Variants in CEP44 observed in about 807,000 individuals in gnomAD.
The protein encoded by CEP44 is centrosomal protein 44.
CEP44 carries 45 observed loss-of-function variants against 46.7 expected under a neutral mutation model. The ratio of observed to expected loss-of-function variants is 0.96; its 90% CI spans 0.76 to 1.24. CEP44 has a LOEUF of 1.24. Ranked by LOEUF, CEP44 falls within the 50% of genes most tolerant of loss-of-function variation. CEP44 has a pLI of 0.00. For synonymous variants in CEP44, 142 were observed against 146.0 expected, an observed-to-expected ratio of 0.97 and a Z score of 0.20; for missense variants, 475 against 459.7, an observed-to-expected ratio of 1.03 and a Z score of -0.30.
At chr4:174,313,927 T>C (rs1052995872) in intron 9 of CEP44, among the ~76,000 whole-genome samples, 2 of 152,182 alleles carry the variant, frequency 1.3e-5, no homozygotes, top group African/African-American at 4.8e-5. Context: ...TAATAAATTA[T>C]ATATGAAATC....
chr4:174,283,744 C>A, upstream of CEP44: 1 of 397,738 alleles, frequency 2.5e-6, no homozygotes. The surrounding 1 kb of genome is among the most constrained non-coding windows in gnomAD (Gnocchi z 6.7). Flanking sequence ...GCTATAGATT[C>A]CTTGTTTCTC....
At chr4:174,295,669 T>A (rs1738912979) in intron 1 of CEP44, among the ~76,000 whole-genome samples, 1 of 152,058 alleles carries the variant, frequency 6.6e-6, no homozygotes, top group Non-Finnish European at 1.5e-5. Flanking sequence ...CGAGCCGAGA[T>A]CACGCCACTG....
chr4:174,328,668 T>C lies in CEP44; in HGVS notation c.1087-2814T>C, dbSNP rs558211029. On this transcript the variant is annotated intron_variant, in intron 8 of 8. Coordinates refer to the CEP44 transcript ENST00000426172. Reference sequence around the variant, plus strand: ...AATTTTTAGGAGCAACTCAAACTTATTTCTTTCATTTTTTTTCCGTCATGG... The same window carrying C: ...AATTTTTAGGAGCAACTCAAACTTACTTCTTTCATTTTTTTTCCGTCATGG... Among the ~76,000 whole-genome samples the C allele has an allele frequency of 3.3e-5, 5 of 152,294 alleles. No homozygotes were observed. In the East Asian group the frequency reaches 9.7e-4, roughly 29 times the overall value.
rs1258234728 is a variant in CEP44, at chr4:174,309,036, T to C, written c.678+177T>C. The stretch of plus-strand genomic sequence containing the variant: ...TCTTACTAAAATAATTCAACAAATA[T>C]TTGCTGCATATGTGTAGGGTGCTGG... On this transcript the variant is annotated intron_variant, in intron 7 of 11. Transcript: ENST00000503780. This position sits in a 1 kb window ranked among gnomAD's most constrained non-coding sequence, Gnocchi z 5.3. Among the ~76,000 whole-genome samples, 2 of 152,124 alleles carry C rather than the reference T, an allele frequency of 1.3e-5. No homozygotes were observed. The highest frequency in any genetic ancestry group is 4.8e-5 in the African/African-American group (2 of 41,432).
rs372440623 is a variant in CEP44 at position 174,302,139 on chromosome 4, G to A, written c.190G>A (p.Glu64Lys). The change falls in exon 4 of 12, where the codon GAG becomes AAG. Residue 64 changes from glutamate (E) to lysine (K), a missense_variant. Coordinates refer to ENST00000503780, the MANE Select transcript of CEP44 (RefSeq NM_001040157.3). ...AGAACTTATAATGGAATCCAATGTA[G>A]AGCTCATAGCAAAAAATGACTTGCG... Reference protein sequence around the residue: ...VTELIMESNVELIAKNDLRFI... With the variant: ...VTELIMESNVKLIAKNDLRFI... The A allele has an allele frequency of 1.2e-6, 2 of 1,610,332 alleles. No homozygotes were observed. Among genetic ancestry groups the A allele is most frequent in the African/African-American group, 1.3e-5 (1 of 74,884 alleles).
rs1298419877 is a variant in CEP44 at position 174,329,120 on chromosome 4, A to C, written c.1087-2362A>C. Among the ~76,000 whole-genome samples, 1 of 151,516 alleles carries C rather than the reference A, an allele frequency of 6.6e-6. No homozygotes were observed. On this transcript the variant is annotated intron_variant, in intron 8 of 8. Coordinates refer to the CEP44 transcript ENST00000426172. The surrounding 1 kb of genome is among the most constrained non-coding windows in gnomAD (Gnocchi z 4.0). Reference sequence around the variant, plus strand: ...TGCCACTGCACCTGGATTTTTTTTTATTGGTATTTTTTCGGATTTGGGATC... The same window carrying C: ...TGCCACTGCACCTGGATTTTTTTTTCTTGGTATTTTTTCGGATTTGGGATC...
At position 174,319,560 on chromosome 4, in the gene CEP44, A is replaced by C. The variant is rs1742106793; in HGVS notation, c.*2177A>C. ...TTCTTTATATAGTGCAGATATACAC[A>C]CAGAGAAGGGACTTAAAACATTTCT... On this transcript the variant is annotated 3_prime_UTR_variant, in exon 12 of 12. Transcript: ENST00000503780. 8.6e-6 allele frequency: 7 copies of C among 817,424 alleles called. No individual in the cohort carries two copies. Among genetic ancestry groups the C allele is most frequent in the Non-Finnish European group, 1.0e-5 (7 of 676,892 alleles). The allele number at this position is 817,424 out of a possible 1,614,324, so 50.6% of individuals were successfully genotyped here.
chr4:174,300,139 A>C (rs1739547476), intron 3 of CEP44, among the ~76,000 whole-genome samples: 2 of 152,166 alleles, frequency 1.3e-5, no homozygotes, highest in African/African-American at 4.8e-5. Context: ...TGTAAGTAGA[A>C]TCCTTCAGTA....
intron 1 of CEP44, 185 bp downstream of exon 1, chr4:174,284,128 T>A (rs962644040): frequency 2.3e-5 from 9 of 398,962 alleles, no homozygotes; most frequent in Non-Finnish European, 3.5e-5. Flanking sequence ...GCTTCTTTGC[T>A]GGTGGCTGCT....
chr4:174,313,673 T>C (rs1435290559), intron 9 of CEP44, among the ~76,000 whole-genome samples: 1 of 152,170 alleles, frequency 6.6e-6, no homozygotes, highest in African/African-American at 2.4e-5. Flanking sequence ...ATAATGAGGG[T>C]CTCTACTAAG....
chr4:174,331,239 GA>G lies in CEP44; in HGVS notation c.1087-230del, dbSNP rs35377324. Among the ~76,000 whole-genome samples, 251 of 133,704 alleles carry G rather than the reference GA, an allele frequency of 1.9e-3. 1 individual carries two copies. Among genetic ancestry groups the G allele is most frequent in the South Asian group, 6.9e-3 (29 of 4,218 alleles). The allele number at this position is 133,704 out of a possible 152,430, so 87.7% of individuals were successfully genotyped here. On this transcript the variant is annotated intron_variant, in intron 8 of 8. Coordinates refer to the CEP44 transcript ENST00000426172. This position sits in a 1 kb window ranked among gnomAD's most constrained non-coding sequence, Gnocchi z 4.5. ...TATTGCCATCACTCCTCACCAATGA[GA>G]AAAAAAAAAAAACTCTGAACATTTA...
Position 174,308,687 on chromosome 4 carries a change from A to G in CEP44, c.508-2A>G. On this transcript the variant is annotated splice_acceptor_variant, in intron 6 of 11. Coordinates refer to ENST00000503780, the MANE Select transcript of CEP44 (RefSeq NM_001040157.3). LOFTEE classifies it high-confidence loss of function. ...GTTTCTTACATATTTTTCTCTATGC[A>G]GAAGAAAGCTGTGGTGATTCGTCAC... The G allele has an allele frequency of 1.3e-6, 2 of 1,593,798 alleles. No individual in the cohort carries two copies. The highest frequency in any genetic ancestry group is 1.3e-5 in the African/African-American group (1 of 74,226).
At chr4:174,306,637 A>G (rs1407421789) in intron 6 of CEP44, among the ~76,000 whole-genome samples, 8 of 152,076 alleles carry the variant, frequency 5.3e-5, no homozygotes, top group African/African-American at 1.9e-4. Flanking sequence ...TATATGTGAT[A>G]ATTTAAACTT....
At chr4:174,322,570 G>A (rs1391771509), downstream of CEP44, among the ~76,000 whole-genome samples, 4 of 152,118 alleles carry the variant, frequency 2.6e-5, no homozygotes, top group Non-Finnish European at 5.9e-5. Flanking sequence ...GCTCAAGGTT[G>A]TCCTCCCTGC....
At chr4:174,303,893 A>G (rs759020324) in intron 5 of CEP44, 44 bp downstream of exon 5, 13 of 1,281,554 alleles carry the variant, frequency 1.0e-5, no homozygotes, top group African/African-American at 1.5e-5. Flanking sequence ...TGCTATTAAT[A>G]GATGGCTCAG....
At position 174,290,189 on chromosome 4, in the gene CEP44, A is replaced by G. The variant is rs1400285315; in HGVS notation, c.-148+6246A>G. On this transcript the variant is annotated intron_variant, in intron 1 of 11. Transcript: ENST00000503780. This position sits in a 1 kb window ranked among gnomAD's most constrained non-coding sequence, Gnocchi z 4.3. ...TCTTAATGAATTTATTGCTATAAAC[A>G]CTTCTCTTATTCTGCTTTTACTGCA... Among the ~76,000 whole-genome samples the G allele has an allele frequency of 6.6e-6, 1 of 151,892 alleles. No individual in the cohort carries two copies. The highest frequency in any genetic ancestry group is 2.4e-5 in the African/African-American group (1 of 41,366).
Position 174,304,249 on chromosome 4 carries a change from T to C in CEP44, c.387T>C (p.Ile129=), listed in dbSNP as rs148050333. Residue 129 remains isoleucine, a splice_region_variant and synonymous_variant, in exon 6 of 12, where the codon ATT becomes ATC. Transcript: ENST00000503780. ...TTGACTAATACCTTTTTTTTTAGATTCCATCACAACAAAGAAAGAAAATCA... is the reference window on the plus strand; with the variant it reads ...TTGACTAATACCTTTTTTTTTAGATCCCATCACAACAAAGAAAGAAAATCA... ...KHKELSSLQK[I]PSQQRKKISS... is the part of the protein sequence containing the mutation. 7,259 of 1,581,170 alleles carry C rather than the reference T, an allele frequency of 4.6e-3. 31 individuals carry two copies. The highest frequency in any genetic ancestry group is 0.011 in the Middle Eastern group (63 of 5,934).
Position 174,310,841 on chromosome 4 carries a change from T to C in CEP44, c.944T>C (p.Met315Thr). ...VSEDYASCSD[M>T]DLLNPHRKSE... The stretch of plus-strand genomic sequence containing the variant: ...GAAGACTACGCTTCTTGTAGTGACA[T>C]GGACCTTCTGAATCCTCGTAAGTTT... Residue 315 changes from methionine (M) to threonine (T), a missense_variant, in exon 9 of 12, where the codon ATG becomes ACG. Transcript: ENST00000503780. This position sits in a 1 kb window ranked among gnomAD's most constrained non-coding sequence, Gnocchi z 4.2. The C allele has an allele frequency of 6.7e-7, 1 of 1,499,804 alleles. No individual in the cohort carries two copies. The highest frequency in any genetic ancestry group is 9.2e-7 in the Non-Finnish European group (1 of 1,088,846). The allele number at this position is 1,499,804 out of a possible 1,614,324, so 92.9% of individuals were successfully genotyped here.
In CEP44 at chr4:174,286,185, G is replaced by A. The variant is rs982492387; in HGVS notation, c.-148+2242G>A. On this transcript the variant is annotated intron_variant, in intron 1 of 11. Coordinates refer to ENST00000503780, the MANE Select transcript of CEP44 (RefSeq NM_001040157.3). The surrounding 1 kb of genome is among the most constrained non-coding windows in gnomAD (Gnocchi z 5.2). The stretch of plus-strand genomic sequence containing the variant: ...AAGGTAGGTTCATAAAGAGGGAGCA[G>A]TTGCTCTACCCTGGGGAAATGGCTG... 6.6e-6 allele frequency among the ~76,000 whole-genome samples: 1 copy of A among 152,206 alleles called. No individual in the cohort carries two copies. Among genetic ancestry groups the A allele is most frequent in the African/African-American group, 2.4e-5 (1 of 41,460 alleles).
Sources: gnomAD v4.1 joint callset for allele counts (sites outside exome capture counted in the v4.1 genomes callset) on GRCh38, gnomAD v4.1.1 for gene constraint, Gnocchi (gnomAD v3.1) non-coding constraint, MANE v1.5 for transcripts, NCBI Gene and HGNC (gene_info 2026-07-23, HGNC 2026-07-21) for gene names.